PTPRO: variants seen among roughly 807,000 people sequenced by gnomAD.
The protein encoded by PTPRO is protein tyrosine phosphatase receptor type O.
A neutral mutation model predicts 145.2 loss-of-function variants in PTPRO; 62 were observed. That is an observed-to-expected ratio of 0.43 (90% CI 0.35 to 0.53). PTPRO has a LOEUF of 0.53. PTPRO is among the 20% of genes least tolerant of loss of function. PTPRO has a pLI of 0.01. For synonymous variants in PTPRO, 565 were observed against 514.7 expected (o/e 1.10, Z -1.32); for missense variants, 1,345 against 1,482.7 (o/e 0.91, Z 1.53).
At chr12:15,338,924 A>C (rs1182610103) in intron 1 of PTPRO, among the ~76,000 whole-genome samples, 1 of 152,160 alleles carries the variant, frequency 6.6e-6, no homozygotes, top group African/African-American at 2.4e-5. Flanking sequence ...TGTGTTCCTC[A>C]TTTTAAGAGT....
At chr12:15,389,740 A>G (rs1591767755) in intron 1 of PTPRO, among the ~76,000 whole-genome samples, 1 of 152,298 alleles carries the variant, frequency 6.6e-6, no homozygotes, top group East Asian at 1.9e-4. Flanking sequence ...GTTAAATTTT[A>G]ATCTACCCAA....
At chr12:15,539,836 A>G (rs764467554) in intron 12 of PTPRO, among the ~76,000 whole-genome samples, 1 of 148,888 alleles carries the variant, frequency 6.7e-6, no homozygotes, top group Admixed American at 6.7e-5. Context: ...GACATTTCTA[A>G]CTCCTGAGAA....
intron 1 of PTPRO, chr12:15,439,910 A>G: frequency 1.5e-6 from 1 of 665,642 alleles, no homozygotes; most frequent in Middle Eastern, 3.6e-4. Flanking sequence ...GTTTGTTGCC[A>G]TTGGGGACTA....
At chr12:15,565,297 C>T in intron 17 of PTPRO, 1 of 274,344 alleles carries the variant, frequency 3.6e-6, no homozygotes, top group Non-Finnish European at 6.9e-6. Flanking sequence ...TTACAAACTG[C>T]TTTAGCAACT....
intron 1 of PTPRO, among the ~76,000 whole-genome samples, chr12:15,434,332 G>C (rs1591808131): frequency 6.6e-6 from 1 of 152,196 alleles, no homozygotes; most frequent in Middle Eastern, 3.4e-3. Flanking sequence ...TCAACACTTT[G>C]GTTTTCATAC....
intron 1 of PTPRO, among the ~76,000 whole-genome samples, chr12:15,463,067 T>G (rs1431592390): frequency 6.6e-6 from 1 of 152,184 alleles, no homozygotes; most frequent in Admixed American, 6.5e-5. Context: ...ATTAAATTCT[T>G]CTGCAAATGG....
chr12:15,509,907 G>A (rs906384444), intron 7 of PTPRO, among the ~76,000 whole-genome samples: 2 of 152,090 alleles, frequency 1.3e-5, no homozygotes, highest in African/African-American at 4.8e-5. Context: ...GGAGCCCAGA[G>A]TGGACCTTGC....
At chr12:15,579,349 C>T (rs756256630) in intron 20 of PTPRO, among the ~76,000 whole-genome samples, 2 of 152,098 alleles carry the variant, frequency 1.3e-5, no homozygotes, top group African/African-American at 2.4e-5. Context: ...AGTTGCTTAG[C>T]ATTTTGTAAT....
Position 15,497,274 on chromosome 12 carries a change from T to G in PTPRO, c.379T>G (p.Tyr127Asp). ...KPLPVTSVSIYDYKPSPETGV... is the reference protein window; with the variant it reads ...KPLPVTSVSIDDYKPSPETGV... Reference sequence around the variant, plus strand: ...TCTACCTGTAACCAGTGTTTCCATATATGACTATAAACCTTCTCCTGAAAC... The same window carrying G: ...TCTACCTGTAACCAGTGTTTCCATAGATGACTATAAACCTTCTCCTGAAAC... The change falls in exon 3 of 27, where the codon TAT becomes GAT. Residue 127 changes from tyrosine to aspartate, a missense_variant. This residue lies in a region of PTPRO where 1,130 missense variants were observed against 1,214.7 expected (regional missense o/e 0.93). Coordinates refer to ENST00000281171, the MANE Select transcript of PTPRO (RefSeq NM_030667.3). 6.3e-7 allele frequency: 1 copy of G among 1,580,936 alleles called. No individual in the cohort carries two copies.
At chr12:15,571,281 C>G (rs11056564) in intron 19 of PTPRO, among the ~76,000 whole-genome samples, 3 of 151,732 alleles carry the variant, frequency 2.0e-5, no homozygotes, top group Admixed American at 6.6e-5. Context: ...TTTTCTGTCA[C>G]TTTTGTTTTG....
In PTPRO at chr12:15,581,705, C is replaced by T. The variant is rs139672715; in HGVS notation, c.3159C>T (p.Phe1053=). The T allele has an allele frequency of 6.2e-7, 1 of 1,613,986 alleles. No individual in the cohort carries two copies. Among genetic ancestry groups the T allele is most frequent in the South Asian group, 1.1e-5 (1 of 91,076 alleles). ...TGAAATGTGACCATTACTGGCCATT[C>T]ACGGAAGAACCTATAGCCTATGGAG... The part of the protein sequence containing the change: ...RRVKCDHYWP[F]TEEPIAYGDI... Residue 1053 remains phenylalanine, a synonymous_variant, in exon 23 of 27, where the codon TTC becomes TTT. Transcript: ENST00000281171.
intron 1 of PTPRO, among the ~76,000 whole-genome samples, chr12:15,400,078 G>T (rs1157798002): frequency 2.0e-5 from 3 of 147,216 alleles, no homozygotes; most frequent in Admixed American, 6.8e-5. Context: ...AAAGAGCCAG[G>T]TTCGAGGGTT....
chr12:15,480,748 T>TGGAC (rs1941761721), intron 1 of PTPRO, among the ~76,000 whole-genome samples: 1 of 151,544 alleles, frequency 6.6e-6, no homozygotes, highest in African/African-American at 2.4e-5. Flanking sequence ...GATGGATGGA[T>TGGAC]GGATGGATGG....
chr12:15,594,845 C>T, intron 25 of PTPRO, 92 bp from the exon 26 acceptor site: 1 of 892,054 alleles, frequency 1.1e-6, no homozygotes, highest in Non-Finnish European at 1.8e-6. Context: ...TTTCCTTTAA[C>T]ACCAGATCTT....
rs377741818 is a variant in PTPRO at position 15,478,611 on chromosome 12, G to C, written c.76-5363G>C. On this transcript the variant is annotated intron_variant, in intron 1 of 26. Coordinates refer to ENST00000281171, the MANE Select transcript of PTPRO (RefSeq NM_030667.3). ...TTCTGTTTACCCTATTGGCAGAAAA[G>C]GGCCAACAGGCACAGGTCACAACCA... 9.8e-5 allele frequency among the ~76,000 whole-genome samples: 15 copies of C among 152,286 alleles called. No individual in the cohort carries two copies. In the East Asian group the frequency reaches 2.9e-3, roughly 29 times the overall value.
intron 19 of PTPRO, among the ~76,000 whole-genome samples, chr12:15,577,949 G>A (rs544150263): frequency 6.6e-6 from 1 of 152,250 alleles, no homozygotes; most frequent in East Asian, 1.9e-4. Flanking sequence ...TACCCTTTTT[G>A]AAGTGTGACA....
At chr12:15,354,476 A>C (rs189016279) in intron 1 of PTPRO, among the ~76,000 whole-genome samples, 38 of 152,302 alleles carry the variant, frequency 2.5e-4, no homozygotes, top group Non-Finnish European at 4.1e-4. Context: ...ATTTTGGTGC[A>C]AAAAGTTTTT....
At chr12:15,401,991 C>T (rs539745677) in intron 1 of PTPRO, among the ~76,000 whole-genome samples, 8 of 152,032 alleles carry the variant, frequency 5.3e-5, no homozygotes, top group Non-Finnish European at 1.2e-4. Context: ...TATTTTGGTG[C>T]CCAGATGGGG....
At chr12:15,391,557 C>T (rs1308683168) in intron 1 of PTPRO, among the ~76,000 whole-genome samples, 3 of 152,130 alleles carry the variant, frequency 2.0e-5, no homozygotes, top group South Asian at 2.1e-4. Flanking sequence ...ACTGCGATTC[C>T]ACACACACTC....
Sources: gnomAD v4.1 joint callset for allele counts (sites outside exome capture counted in the v4.1 genomes callset) on GRCh38, gnomAD v4.1.1 for gene constraint, gnomAD v4.1.1 regional missense constraint, MANE v1.5 for transcripts, NCBI Gene and HGNC (gene_info 2026-07-23, HGNC 2026-07-21) for gene names.